The following MATK variants were observed in gnomAD, a reference collection of about 807,000 sequenced individuals.
MATK encodes megakaryocyte-associated tyrosine kinase, also known as megakaryocyte-associated tyrosine-protein kinase.
Under a neutral mutation model 59.8 loss-of-function variants are expected in MATK, and 41 were observed. The observed-to-expected ratio is 0.69, with a 90% CI of 0.53 to 0.89. The LOEUF (loss-of-function observed/expected upper bound fraction) is 0.89, where lower values mean the gene tolerates loss of function less well. Among genes scored for constraint, MATK ranks in the 40% least tolerant of loss-of-function variants. The pLI, the probability that MATK is intolerant of heterozygous loss-of-function variation, is 0.00. For missense variants in MATK, 593 were observed against 719.6 expected (o/e 0.82, Z 2.01); for synonymous variants, 308 against 306.1 (o/e 1.01, Z -0.06).
chr19:3,793,454 A>C (rs2037562356), intron 1 of MATK: 1 of 152,286 alleles, frequency 6.6e-6, no homozygotes, highest in Non-Finnish European at 1.5e-5. Context: ...CTATAATCCC[A>C]GCACTTTGGG....
At chr19:3,780,578 C>G (rs977788864) in intron 8 of MATK, among the ~76,000 whole-genome samples, 1 of 149,612 alleles carries the variant, frequency 6.7e-6, no homozygotes, top group Non-Finnish European at 1.5e-5. Flanking sequence ...AGGCGCCCAC[C>G]ACCACGCCCG....
chr19:3,786,037 C>G lies in MATK; in HGVS notation c.-152+132G>C, dbSNP rs2037478562. 1 of 264,908 alleles carries G rather than the reference C, an allele frequency of 3.8e-6. No homozygotes were observed. Among genetic ancestry groups the G allele is most frequent in the Admixed American group, 6.5e-5 (1 of 15,414 alleles). The allele number at this position is 264,908 out of a possible 1,614,324, so 16.4% of individuals were successfully genotyped here. On this transcript the variant is annotated intron_variant, in intron 1 of 13. Coordinates refer to ENST00000310132, the MANE Select transcript of MATK (RefSeq NM_139355.3). This position sits in a 1 kb window ranked among gnomAD's most constrained non-coding sequence, Gnocchi z 4.1. ...CCCAGCCGCGCACCCGCTGCGCGCC[C>G]GGGACGCGCACACTCGCGCACACAC... is the stretch of plus-strand genomic sequence containing the variant.
intron 11 of MATK, 73 bp from the exon 12 acceptor site, chr19:3,779,260 G>A (rs1568404476): frequency 6.5e-7 from 1 of 1,542,356 alleles, no homozygotes; most frequent in Non-Finnish European, 8.8e-7. Flanking sequence ...AGCTCGGGGT[G>A]CCTGGGGCCA....
intron 7 of MATK, 149 bp downstream of exon 7, chr19:3,782,977 C>T (rs772937674): frequency 1.5e-5 from 10 of 662,044 alleles, no homozygotes; most frequent in Admixed American, 2.6e-5. Flanking sequence ...TGGGCACCCC[C>T]GAGGCAGCCC....
chr19:3,787,259 T>C (rs528847376), upstream of MATK, among the ~76,000 whole-genome samples: 1 of 151,464 alleles, frequency 6.6e-6, no homozygotes, highest in Non-Finnish European at 1.5e-5. Flanking sequence ...CAGCCTCCCG[T>C]GTAGCTGGGA....
chr19:3,784,165 C>T lies in MATK; in HGVS notation c.321G>A (p.Glu107=), dbSNP rs367694866. Residue 107 remains glutamate (E), a synonymous_variant, in exon 5 of 14, where the codon GAG becomes GAA. Coordinates refer to ENST00000310132, the MANE Select transcript of MATK (RefSeq NM_139355.3). ...EGLLAAGALR[E]REALSADPKL... ...TGGGGTCTGCGGAGAGGGCCTCCCG[C>T]TCCCGCAGCGCCCCAGCTGCCAGCA... The T allele has an allele frequency of 8.7e-6, 14 of 1,613,306 alleles. No homozygotes were observed. In the South Asian group the frequency reaches 1.4e-4, roughly 16 times the overall value.
chr19:3,779,667 C>T (rs1249119509), intron 9 of MATK, 31 bp downstream of exon 9: 2 of 1,611,406 alleles, frequency 1.2e-6, no homozygotes, highest in African/African-American at 1.3e-5. Context: ...CCCCCCCGTC[C>T]CACGGTCCCC....
chr19:3,788,619 CAAAAAA>C (rs1171553701), upstream of MATK, among the ~76,000 whole-genome samples: 4 of 70,292 alleles, frequency 5.7e-5, no homozygotes, highest in Non-Finnish European at 1.1e-4. Context: ...ACTCTGTCTC[CAAAAAA>C]AAAAAAAAAA....
chr19:3,797,366 A>T (rs1351359944), intron 1 of MATK, among the ~76,000 whole-genome samples: 5 of 150,540 alleles, frequency 3.3e-5, no homozygotes, highest in Non-Finnish European at 1.5e-5. Context: ...GTGCAATCAC[A>T]GCCCACTGCA....
At chr19:3,793,527 C>G (rs1262465215) in intron 1 of MATK, 1 of 152,178 alleles carries the variant, frequency 6.6e-6, no homozygotes, top group African/African-American at 2.4e-5. Flanking sequence ...CATGGTGAAA[C>G]CCCGTCTCTA....
chr19:3,800,141 C>CA (rs1219497192), intron 1 of MATK, among the ~76,000 whole-genome samples: 22,865 of 84,928 alleles, frequency 0.27, 2,099 homozygotes, highest in Admixed American at 0.42. Flanking sequence ...GACTCCGTCT[C>CA]AAAAAAAAAA....
chr19:3,786,498 T>A (rs1223009898), upstream of MATK: 12 of 683,692 alleles, frequency 1.8e-5, no homozygotes, highest in Non-Finnish European at 2.2e-5. This position sits in a 1 kb window ranked among gnomAD's most constrained non-coding sequence, Gnocchi z 4.1. Flanking sequence ...GCTCCACGCC[T>A]GGCCCTGACC....
chr19:3,789,502 C>G (rs1016274379), upstream of MATK: 1 of 551,074 alleles, frequency 1.8e-6, no homozygotes, highest in African/African-American at 1.9e-5. Flanking sequence ...GAACCAAGGT[C>G]TTGAGCCCAG....
upstream of MATK, chr19:3,786,412 C>T: frequency 1.0e-6 from 1 of 979,930 alleles, no homozygotes; most frequent in Non-Finnish European, 1.2e-6. This position sits in a 1 kb window ranked among gnomAD's most constrained non-coding sequence, Gnocchi z 4.1. Flanking sequence ...CCGCCGCCGC[C>T]GGCCCCTCCC....
At chr19:3,782,184 G>T (rs1009296385) in intron 7 of MATK, among the ~76,000 whole-genome samples, 4 of 152,098 alleles carry the variant, frequency 2.6e-5, no homozygotes, top group African/African-American at 7.2e-5. Context: ...ACCCATAAAG[G>T]TTCCAGAATA....
intron 1 of MATK, among the ~76,000 whole-genome samples, chr19:3,798,826 G>A (rs1362393757): frequency 2.7e-5 from 4 of 150,616 alleles, no homozygotes; most frequent in African/African-American, 9.8e-5. Flanking sequence ...TTTTTTTTAA[G>A]GCAGGGTCTC....
At chr19:3,779,666 C>T in intron 9 of MATK, 32 bp downstream of exon 9, 1 of 1,610,784 alleles carries the variant, frequency 6.2e-7, no homozygotes, top group Non-Finnish European at 8.5e-7. Context: ...CCCCCCCCGT[C>T]CCACGGTCCC....
rs764513344 is a variant in MATK at position 3,785,160 on chromosome 19, G to A, written c.-25C>T. ...TCGCCCCCAGAGGGAAACTGAGGCAGGTGAGAGGCACACTGAGCAAGTGGT... is the reference window on the plus strand; with the variant it reads ...TCGCCCCCAGAGGGAAACTGAGGCAAGTGAGAGGCACACTGAGCAAGTGGT... On this transcript the variant is annotated 5_prime_UTR_variant, in exon 2 of 14. Transcript: ENST00000310132. 3.7e-6 allele frequency: 6 copies of A among 1,613,780 alleles called. No individual in the cohort carries two copies. The highest frequency in any genetic ancestry group is 2.2e-5 in the South Asian group (2 of 91,086).
At chr19:3,796,232 G>C (rs1183716074) in intron 1 of MATK, among the ~76,000 whole-genome samples, 2 of 152,128 alleles carry the variant, frequency 1.3e-5, no homozygotes, top group Non-Finnish European at 2.9e-5. Flanking sequence ...TATTTATAGG[G>C]TGTTTTACTG....
Sources: gnomAD v4.1 joint callset for allele counts (sites outside exome capture counted in the v4.1 genomes callset) on GRCh38, gnomAD v4.1.1 for gene constraint, Gnocchi (gnomAD v3.1) non-coding constraint, MANE v1.5 for transcripts, NCBI Gene and HGNC (gene_info 2026-07-23, HGNC 2026-07-21) for gene names.